ESPL1: variants seen among roughly 807,000 people sequenced by gnomAD.
The protein encoded by ESPL1 is separin.
Under a neutral mutation model 217.2 loss-of-function variants are expected in ESPL1, and 50 were observed. That is an observed-to-expected ratio of 0.23 (90% CI 0.18 to 0.29). The LOEUF (loss-of-function observed/expected upper bound fraction) is 0.29. Ranked by LOEUF, ESPL1 falls within the 10% of genes least tolerant of loss-of-function variation. ESPL1 has a pLI of 1.00. For synonymous variants in ESPL1, 994 were observed against 1,081.3 expected, an observed-to-expected ratio of 0.92 and a Z score of 1.58; for missense variants, 1,834 against 2,603.0, an observed-to-expected ratio of 0.70 and a Z score of 6.43.
At position 53,292,135 on chromosome 12, in the gene ESPL1, G is replaced by T. The variant is rs373006978; in HGVS notation, c.5796+47G>T. 6.3e-5 allele frequency: 95 copies of T among 1,516,484 alleles called. No homozygotes were observed. The African/African-American group carries it at 1.1e-3, about 17-fold the overall frequency. 93.9% of individuals were successfully genotyped at this position (1,516,484 alleles called of 1,614,324 possible). A position where few individuals can be genotyped will look rare whatever the true frequency, so the allele number is the denominator to read the frequency against. On this transcript the variant is annotated intron_variant, in intron 27 of 30. Coordinates refer to ENST00000257934, the MANE Select transcript of ESPL1 (RefSeq NM_012291.5). This position sits in a 1 kb window ranked among gnomAD's most constrained non-coding sequence, Gnocchi z 4.5. ...CTGGGGATGACTGGCGACTGGGGAA[G>T]ACGTCAACAAAGAAGGGCAGAGAAA...
chr12:53,277,730 G>T, intron 10 of ESPL1, 91 bp from the exon 11 acceptor site: 1 of 1,571,560 alleles, frequency 6.4e-7, no homozygotes, highest in South Asian at 1.2e-5. Context: ...GTGGGAGGTT[G>T]GCGTAAAGGG....
Position 53,269,845 on chromosome 12 carries a change from G to A in ESPL1, c.903G>A (p.Leu301=), listed in dbSNP as rs370617883. 6.2e-7 allele frequency: 1 copy of A among 1,614,252 alleles called. No individual in the cohort carries two copies. The highest frequency in any genetic ancestry group is 2.2e-5 in the East Asian group (1 of 44,886). ...TATGTCAGCTGGGGGTTAAGCTGCT[G>A]CAGGTTGGGGAGGAAGGACCTCAGG... The part of the protein sequence containing the change: ...LQLCQLGVKL[L]QVGEEGPQAV... The change falls in exon 3 of 31, where the codon CTG becomes CTA. Residue 301 remains leucine, a synonymous_variant. Coordinates refer to ENST00000257934, the MANE Select transcript of ESPL1 (RefSeq NM_012291.5). The surrounding 1 kb of genome is among the most constrained non-coding windows in gnomAD (Gnocchi z 6.7).
rs760328362 is a variant in ESPL1 at position 53,286,498 on chromosome 12, A to G, written c.3762A>G (p.Val1254=). The G allele has an allele frequency of 1.9e-6, 3 of 1,614,098 alleles. No homozygotes were observed. The highest frequency in any genetic ancestry group is 3.3e-4 in the Middle Eastern group (2 of 6,084). ...TTCTACAGTCAGGGCTGAAGTTTGT[A>G]GCAGCACGGATACCCCACCTAGAGC... ...QKVLQSGLKF[V]AARIPHLEPW... is the part of the protein sequence containing the mutation. Residue 1254 remains valine (V), a synonymous_variant, in exon 18 of 31, where the codon GTA becomes GTG. Coordinates refer to ENST00000257934, the MANE Select transcript of ESPL1 (RefSeq NM_012291.5). The surrounding 1 kb of genome is among the most constrained non-coding windows in gnomAD (Gnocchi z 5.3).
rs778912654 is a variant in ESPL1 at position 53,291,717 on chromosome 12, A to C, written c.5548A>C (p.Thr1850Pro). ...KIMLSGAGAL[T>P]PQDIQALAYG... ...CATGCTCAGTGGTGCCGGTGCCCTC[A>C]CCCCTCAGGACATTCAGGCCCTGGC... Residue 1850 changes from threonine (T) to proline (P), a missense_variant, in exon 26 of 31, where the codon ACC (threonine) becomes CCC (proline). By Grantham distance (38) the Thr-to-Pro change is conservative. This residue lies in a region of ESPL1 where 295 missense variants were observed against 519.8 expected (regional missense o/e 0.57). Transcript: ENST00000257934. 3 of 1,613,732 alleles carry C rather than the reference A, an allele frequency of 1.9e-6. No individual in the cohort carries two copies. In the Admixed American group the frequency reaches 5.0e-5, roughly 27 times the overall value.
Position 53,286,461 on chromosome 12 carries a change from G to C in ESPL1, c.3725G>C (p.Ser1242Thr). 1 of 1,614,190 alleles carries C rather than the reference G, an allele frequency of 6.2e-7. No homozygotes were observed. The highest frequency in any genetic ancestry group is 2.2e-5 in the East Asian group (1 of 44,880). The part of the protein sequence containing the change: ...LEGLNQPSNE[S>T]LQKVLQSGLK... ...GGCCTGAACCAGCCATCAAACGAGAGCCTGCAGAAGGTTCTACAGTCAGGG... is the reference window on the plus strand; with the variant it reads ...GGCCTGAACCAGCCATCAAACGAGACCCTGCAGAAGGTTCTACAGTCAGGG... Residue 1242 changes from serine (S) to threonine (T), a missense_variant, in exon 18 of 31, where the codon AGC becomes ACC. By Grantham distance (58) the Ser-to-Thr change is moderately conservative. This residue lies in a region of ESPL1 where 681 missense variants were observed against 808.0 expected (regional missense o/e 0.84). Transcript: ENST00000257934. This position sits in a 1 kb window ranked among gnomAD's most constrained non-coding sequence, Gnocchi z 5.3.
chr12:53,290,888 G>A lies in ESPL1; in HGVS notation c.5412G>A (p.Gly1804=), dbSNP rs149024421. 3 of 1,608,454 alleles carry A rather than the reference G, an allele frequency of 1.9e-6. No homozygotes were observed. Among genetic ancestry groups the A allele is most frequent in the African/African-American group, 1.3e-5 (1 of 74,898 alleles). The change falls in exon 25 of 31, where the codon GGG becomes GGA. Residue 1804 remains glycine (G), a synonymous_variant. Coordinates refer to ENST00000257934, the MANE Select transcript of ESPL1 (RefSeq NM_012291.5). ...LEKSVLGCWK[G]LLLPSSEEPG... is the part of the protein sequence containing the mutation. ...AGTCTGTGCTGGGCTGCTGGAAGGGGCTGCTGCTGCCGTCCAGTGAGGAGC... is the reference window on the plus strand; with the variant it reads ...AGTCTGTGCTGGGCTGCTGGAAGGGACTGCTGCTGCCGTCCAGTGAGGAGC...
intron 11 of ESPL1, 31 bp downstream of exon 11, chr12:53,277,991 T>G (rs1330746094): frequency 6.2e-7 from 1 of 1,607,468 alleles, no homozygotes; most frequent in South Asian, 1.1e-5. Flanking sequence ...GGGGGACCCA[T>G]ATAAACAAGG....
chr12:53,283,964 T>C, intron 16 of ESPL1, 94 bp from the exon 17 acceptor site: 1 of 905,518 alleles, frequency 1.1e-6, no homozygotes, highest in South Asian at 1.4e-5. Context: ...AGGGAAGGAC[T>C]CAGGTAGCTT....
In ESPL1 at chr12:53,288,091, G is replaced by A; in HGVS notation, c.4296G>A (p.Leu1432=). The change falls in exon 19 of 31, where the codon CTG becomes CTA. Residue 1432 remains leucine (L), a synonymous_variant. Coordinates refer to ENST00000257934, the MANE Select transcript of ESPL1 (RefSeq NM_012291.5). ...GCCGGGGGCGAGCAAGGAAGGGCCT[G>A]AGCCTAAAGACGGATGCCGTGGTTG... ...SRGRGRARKG[L]SLKTDAVVAP... 1 of 1,613,708 alleles carries A rather than the reference G, an allele frequency of 6.2e-7. No individual in the cohort carries two copies. Among genetic ancestry groups the A allele is most frequent in the Non-Finnish European group, 8.5e-7 (1 of 1,179,972 alleles).
At position 53,282,254 on chromosome 12, in the gene ESPL1, T is replaced by C. The variant is rs1330205237; in HGVS notation, c.2620-10T>C. The C allele has an allele frequency of 9.9e-6, 16 of 1,612,948 alleles. No individual in the cohort carries two copies. The highest frequency in any genetic ancestry group is 1.4e-5 in the Non-Finnish European group (16 of 1,179,200). ...CCTTACTGCCTCCTCTGGCTCCTTCTCTCCTTCAGGTGACCAAGGGTGTCT... is the reference window on the plus strand; with the variant it reads ...CCTTACTGCCTCCTCTGGCTCCTTCCCTCCTTCAGGTGACCAAGGGTGTCT... On this transcript the variant is annotated splice_polypyrimidine_tract_variant and intron_variant, in intron 13 of 30. Transcript: ENST00000257934. This position sits in a 1 kb window ranked among gnomAD's most constrained non-coding sequence, Gnocchi z 4.0.
intron 3 of ESPL1, 54 bp from the exon 4 acceptor site, chr12:53,270,323 CT>C: frequency 7.6e-7 from 1 of 1,307,570 alleles, no homozygotes; most frequent in South Asian, 1.2e-5. Flanking sequence ...CAGTCTTCAG[CT>C]TGGAGCCCTC....
Position 53,269,690 on chromosome 12 carries a change from T to C in ESPL1, c.748T>C (p.Cys250Arg). ...SGLLSPQRAL[C>R]LLELTLEHCR... Reference sequence around the variant, plus strand: ...GCTTCTTTCTCCCCAGAGGGCCCTCTGCCTCTTGGAGCTCACCTTGGAACA... The same window carrying C: ...GCTTCTTTCTCCCCAGAGGGCCCTCCGCCTCTTGGAGCTCACCTTGGAACA... The change falls in exon 3 of 31, where the codon TGC becomes CGC. Residue 250 changes from cysteine (C) to arginine (R), a missense_variant. Physicochemically the swap from Cys to Arg is radical, Grantham distance 180. Around this residue, in one of 5 missense-constraint regions of ESPL1, gnomAD observed 746 missense variants for 1,077.0 expected, o/e 0.69. Coordinates refer to ENST00000257934, the MANE Select transcript of ESPL1 (RefSeq NM_012291.5). This position sits in a 1 kb window ranked among gnomAD's most constrained non-coding sequence, Gnocchi z 6.7. 1 of 1,614,172 alleles carries C rather than the reference T, an allele frequency of 6.2e-7. No homozygotes were observed. The highest frequency in any genetic ancestry group is 8.5e-7 in the Non-Finnish European group (1 of 1,180,028).
rs561866637 is a variant in ESPL1, at chr12:53,291,523, G to A, written c.5521-167G>A. Among the ~76,000 whole-genome samples, 18 of 152,224 alleles carry A rather than the reference G, an allele frequency of 1.2e-4. No homozygotes were observed. In the South Asian group the frequency reaches 3.5e-3, roughly 30 times the overall value. ...GGAGAATCGCTTGAACCTGGGAGGT[G>A]GAGGTTGCAGTGAGCTGAGATTGCG... On this transcript the variant is annotated intron_variant, in intron 25 of 30. Coordinates refer to ENST00000257934, the MANE Select transcript of ESPL1 (RefSeq NM_012291.5).
At position 53,269,376 on chromosome 12, in the gene ESPL1, G is replaced by T. The variant is rs1308144505; in HGVS notation, c.434G>T (p.Arg145Leu). The T allele has an allele frequency of 6.2e-7, 1 of 1,613,956 alleles. No homozygotes were observed. The highest frequency in any genetic ancestry group is 1.7e-5 in the Admixed American group (1 of 60,016). Reference protein sequence around the residue: ...AAPQDYEAVARGSFSLLWKGA... With the variant: ...AAPQDYEAVALGSFSLLWKGA... Reference sequence around the variant, plus strand: ...CCCCAGGACTATGAGGCCGTGGCTCGGGGCAGCTTTTCTCTGCTTTGGAAG... The same window carrying T: ...CCCCAGGACTATGAGGCCGTGGCTCTGGGCAGCTTTTCTCTGCTTTGGAAG... Residue 145 changes from arginine (R) to leucine (L), a missense_variant, in exon 3 of 31, where the codon CGG becomes CTG. Coordinates refer to ENST00000257934, the MANE Select transcript of ESPL1 (RefSeq NM_012291.5). The surrounding 1 kb of genome is among the most constrained non-coding windows in gnomAD (Gnocchi z 6.7).
Position 53,282,184 on chromosome 12 carries a change from G to A in ESPL1, c.2620-80G>A. The A allele has an allele frequency of 5.8e-6, 7 of 1,208,812 alleles. No individual in the cohort carries two copies. The highest frequency in any genetic ancestry group is 1.8e-5 in the Admixed American group (1 of 54,262). 74.9% of individuals were successfully genotyped at this position (1,208,812 alleles called of 1,614,324 possible). ...AATACCCAGGGCCTTCAGGGATGGG[G>A]CCACGTAATCTCCAGGGCCTCTCAA... On this transcript the variant is annotated intron_variant, in intron 13 of 30. Transcript: ENST00000257934. The surrounding 1 kb of genome is among the most constrained non-coding windows in gnomAD (Gnocchi z 4.0).
In ESPL1 at chr12:53,290,479, T is replaced by G; in HGVS notation, c.5364+10T>G. On this transcript the variant is annotated intron_variant, in intron 24 of 30. Coordinates refer to ENST00000257934, the MANE Select transcript of ESPL1 (RefSeq NM_012291.5). ...GGACCACAGGATGGAGGTGTGTGCT[T>G]CTGGGGTGGGGTCAGGCCTGCTCTA... The G allele has an allele frequency of 6.2e-7, 1 of 1,611,752 alleles. No homozygotes were observed. Among genetic ancestry groups the G allele is most frequent in the Non-Finnish European group, 8.5e-7 (1 of 1,179,230 alleles).
chr12:53,269,434 A>C lies in ESPL1; in HGVS notation c.492A>C (p.Ala164=), dbSNP rs534485173. ...GAEALLERRA[A]FAARLKALSF... is the part of the protein sequence containing the mutation. ...AAGCCCTGTTGGAACGGCGAGCTGC[A>C]TTTGCAGCTCGGCTGAAGGCCTTGA... is the stretch of plus-strand genomic sequence containing the variant. The change falls in exon 3 of 31, where the codon GCA becomes GCC. Residue 164 remains alanine (A), a synonymous_variant. Transcript: ENST00000257934. The surrounding 1 kb of genome is among the most constrained non-coding windows in gnomAD (Gnocchi z 6.7). 6.2e-7 allele frequency: 1 copy of C among 1,613,976 alleles called. No individual in the cohort carries two copies. The highest frequency in any genetic ancestry group is 1.1e-5 in the South Asian group (1 of 91,082).
rs912689851 is a variant in ESPL1 at position 53,293,099 on chromosome 12, A to G, written c.6161+129A>G. On this transcript the variant is annotated intron_variant, in intron 30 of 30. Transcript: ENST00000257934. The surrounding 1 kb of genome is among the most constrained non-coding windows in gnomAD (Gnocchi z 4.2). ...CTCCTATCCTAGTTAGTTCCCTGGC[A>G]TGCCTGGACCATTAACCCTTAGCTC... 9.9e-7 allele frequency: 1 copy of G among 1,015,164 alleles called. No individual in the cohort carries two copies. The highest frequency in any genetic ancestry group is 1.4e-6 in the Non-Finnish European group (1 of 690,310). 62.9% of individuals were successfully genotyped at this position (1,015,164 alleles called of 1,614,324 possible). A position where few individuals can be genotyped will look rare whatever the true frequency, so the allele number is the denominator to read the frequency against.
intron 6 of ESPL1, 118 bp from the exon 7 acceptor site, chr12:53,274,699 C>A: frequency 5.2e-6 from 4 of 776,236 alleles, no homozygotes; most frequent in Admixed American, 4.9e-5. Flanking sequence ...GCTCAGGAGG[C>A]CCACCTGCCA....
Sources: gnomAD v4.1 joint callset for allele counts (sites outside exome capture counted in the v4.1 genomes callset) on GRCh38, gnomAD v4.1.1 for gene constraint, gnomAD v4.1.1 regional missense constraint, Gnocchi (gnomAD v3.1) non-coding constraint, MANE v1.5 for transcripts, NCBI Gene and HGNC (gene_info 2026-07-23, HGNC 2026-07-21) for gene names.